ACADSB: variants seen among roughly 807,000 people sequenced by gnomAD.
The protein encoded by ACADSB is acyl-CoA dehydrogenase short/branched chain.
ACADSB carries 40 observed loss-of-function variants against 54.1 expected under a neutral mutation model. The ratio of observed to expected loss-of-function variants is 0.74; its 90% CI spans 0.57 to 0.96. The LOEUF (loss-of-function observed/expected upper bound fraction) is 0.96. ACADSB is among the 40% of genes least tolerant of loss of function. The pLI, the probability that ACADSB is intolerant of heterozygous loss-of-function variation, is 0.00. For synonymous variants in ACADSB, 182 were observed against 182.8 expected, an observed-to-expected ratio of 1.00 and a Z score of 0.03; for missense variants, 530 against 510.4, an observed-to-expected ratio of 1.04 and a Z score of -0.37.
In ACADSB at chr10:123,056,064, GTCT is replaced by G. The variant is rs1850703811; in HGVS notation, c.*2306_*2308del. The G allele has an allele frequency of 6.5e-6, 1 of 152,810 alleles. No homozygotes were observed. Among genetic ancestry groups the G allele is most frequent in the Admixed American group, 6.5e-5 (1 of 15,290 alleles). The allele number at this position is 152,810 out of a possible 1,614,324, so 9.5% of individuals were successfully genotyped here. On this transcript the variant is annotated 3_prime_UTR_variant, in exon 11 of 11. Transcript: ENST00000358776. ...GTTCCAAACTTTCCCACATTTTCCT[GTCT>G]TCTTCTGAGCCCTTCAAACTGTTCC... is the stretch of plus-strand genomic sequence containing the variant.
intron 8 of ACADSB, among the ~76,000 whole-genome samples, chr10:123,048,429 GTTT>G (rs561896904): frequency 6.7e-6 from 1 of 148,198 alleles, no homozygotes; most frequent in South Asian, 2.2e-4. Context: ...AAAAGTAGAG[GTTT>G]TTTTTTTGTC....
At chr10:123,042,913 C>A in intron 5 of ACADSB, 133 bp from the exon 6 acceptor site, 3 of 931,668 alleles carry the variant, frequency 3.2e-6, no homozygotes, top group Non-Finnish European at 5.0e-6. Context: ...TTTCATAATG[C>A]CCATGTTGCA....
At chr10:123,032,992 C>T (rs1850348987) in intron 1 of ACADSB, among the ~76,000 whole-genome samples, 1 of 152,148 alleles carries the variant, frequency 6.6e-6, no homozygotes, top group East Asian at 1.9e-4. Flanking sequence ...CCTTCTTGAG[C>T]CCCTTTGCAC....
intron 7 of ACADSB, among the ~76,000 whole-genome samples, chr10:123,045,509 A>G (rs1393412765): frequency 1.3e-5 from 2 of 152,124 alleles, no homozygotes; most frequent in South Asian, 2.1e-4. Flanking sequence ...ATCAGTGATT[A>G]TACAAAACTC....
At chr10:123,042,034 C>T (rs759328188) in intron 5 of ACADSB, among the ~76,000 whole-genome samples, 22 of 147,956 alleles carry the variant, frequency 1.5e-4, no homozygotes, top group Non-Finnish European at 2.7e-4. Context: ...GGTGTGATCT[C>T]ACCTCACTGC....
At chr10:123,009,477 CT>C (rs1480112075) in intron 1 of ACADSB, among the ~76,000 whole-genome samples, 2 of 152,302 alleles carry the variant, frequency 1.3e-5, no homozygotes, top group African/African-American at 4.8e-5. Flanking sequence ...TTCACACCCC[CT>C]CCCCCAAAAA....
At chr10:123,049,675 G>T (rs1013925114) in intron 8 of ACADSB, among the ~76,000 whole-genome samples, 1 of 152,126 alleles carries the variant, frequency 6.6e-6, no homozygotes, top group Non-Finnish European at 1.5e-5. Context: ...TGATAGAAAT[G>T]GCATTACAGA....
chr10:123,013,791 G>A (rs897352306), intron 1 of ACADSB, among the ~76,000 whole-genome samples: 2 of 152,204 alleles, frequency 1.3e-5, no homozygotes, highest in South Asian at 2.1e-4. Context: ...CCTGCCGGCC[G>A]CTCCGAGTGC....
chr10:123,044,882 T>C (rs1850530390), intron 7 of ACADSB, among the ~76,000 whole-genome samples: 2 of 152,150 alleles, frequency 1.3e-5, no homozygotes, highest in South Asian at 4.1e-4. Context: ...TAAAGATATC[T>C]ATAGTTAATA....
intron 2 of ACADSB, among the ~76,000 whole-genome samples, chr10:123,037,258 G>C (rs1397106511): frequency 6.6e-6 from 1 of 152,178 alleles, no homozygotes; most frequent in African/African-American, 2.4e-5. Context: ...TGACCAAGCA[G>C]CTATGAAAAC....
At chr10:123,032,703 C>G (rs1010925127) in intron 1 of ACADSB, among the ~76,000 whole-genome samples, 2 of 151,454 alleles carry the variant, frequency 1.3e-5, no homozygotes, top group Non-Finnish European at 2.9e-5. Flanking sequence ...GATTCTCCTG[C>G]CTCCACCTCC....
intron 1 of ACADSB, among the ~76,000 whole-genome samples, chr10:123,031,026 A>G (rs188396777): frequency 7.2e-5 from 11 of 152,368 alleles, no homozygotes. Context: ...TAAATAAGAT[A>G]TAGCAGTAGT....
At chr10:123,021,854 T>G (rs2133461266) in intron 1 of ACADSB, among the ~76,000 whole-genome samples, 1 of 151,962 alleles carries the variant, frequency 6.6e-6, no homozygotes, top group South Asian at 2.1e-4. Context: ...GAAAACAGGG[T>G]TTTTCTCCCA....
intron 1 of ACADSB, among the ~76,000 whole-genome samples, chr10:123,023,716 G>C (rs1294912342): frequency 1.3e-5 from 2 of 152,164 alleles, no homozygotes; most frequent in Admixed American, 1.3e-4. Context: ...AGCATCCCTC[G>C]CTAACCAGGC....
In ACADSB at chr10:123,044,487, T is replaced by C; in HGVS notation, c.900+2T>C. 6.2e-7 allele frequency: 1 copy of C among 1,606,516 alleles called. No individual in the cohort carries two copies. Among genetic ancestry groups the C allele is most frequent in the Non-Finnish European group, 8.5e-7 (1 of 1,173,236 alleles). ...GGTAGAATAGGAATTGCTGCACAGG[T>C]AAGTCAGATTTAAACTCTTCCATGA... On this transcript the variant is annotated splice_donor_variant, in intron 7 of 10. Transcript: ENST00000358776. LOFTEE classifies it high-confidence loss of function.
chr10:123,032,666 C>T (rs1188227868), intron 1 of ACADSB, among the ~76,000 whole-genome samples: 3 of 150,338 alleles, frequency 2.0e-5, no homozygotes, highest in Non-Finnish European at 4.4e-5. Flanking sequence ...CTAGGCTCAC[C>T]GCAACCTCCG....
intron 3 of ACADSB, among the ~76,000 whole-genome samples, 165 bp downstream of exon 3, chr10:123,038,012 T>C (rs544957876): frequency 1.1e-4 from 16 of 152,350 alleles, no homozygotes; most frequent in Non-Finnish European, 7.3e-5. Flanking sequence ...AAAATGGAAT[T>C]AACATTTTTT....
At chr10:123,045,163 A>ATTT (rs1564753027) in intron 7 of ACADSB, among the ~76,000 whole-genome samples, 3 of 13,216 alleles carry the variant, frequency 2.3e-4, no homozygotes, top group African/African-American at 4.7e-4. Flanking sequence ...ATATATATAT[A>ATTT]TATATATATT....
At position 123,056,311 on chromosome 10, in the gene ACADSB, T is replaced by G. The variant is rs1281400922; in HGVS notation, c.*2546T>G. 2 of 236,910 alleles carry G rather than the reference T, an allele frequency of 8.4e-6. No individual in the cohort carries two copies. The highest frequency in any genetic ancestry group is 1.6e-5 in the Non-Finnish European group (2 of 122,476). The allele number at this position is 236,910 out of a possible 1,614,324, so 14.7% of individuals were successfully genotyped here. A position where few individuals can be genotyped will look rare whatever the true frequency, so the allele number is the denominator to read the frequency against. On this transcript the variant is annotated 3_prime_UTR_variant, in exon 11 of 11. Coordinates refer to ENST00000358776, the MANE Select transcript of ACADSB (RefSeq NM_001609.4). Reference sequence around the variant, plus strand: ...ATCATGGCGGGAGGTGAAAAGCACTTCGTACATGGTGGTGGCAAGAGAAAA... The same window carrying G: ...ATCATGGCGGGAGGTGAAAAGCACTGCGTACATGGTGGTGGCAAGAGAAAA...
Sources: allele counts gnomAD v4.1 joint callset (sites outside exome capture counted in the v4.1 genomes callset), GRCh38; gene constraint gnomAD v4.1.1; transcripts MANE v1.5; gene names NCBI Gene and HGNC (gene_info 2026-07-23, HGNC 2026-07-21).